SEMA6D: variants seen among roughly 807,000 people sequenced by gnomAD.
SEMA6D encodes semaphorin-6D.
In SEMA6D, 35 loss-of-function variants were observed where a neutral mutation model predicts 106.6. That is an observed-to-expected ratio of 0.33 (90% CI 0.25 to 0.44). SEMA6D has a LOEUF of 0.44. SEMA6D is among the 20% of genes least tolerant of loss of function. The pLI is 1.00. For missense variants in SEMA6D, 1,185 were observed against 1,345.9 expected (o/e 0.88, Z 1.87); for synonymous variants, 499 against 487.7 (o/e 1.02, Z -0.31).
chr15:47,491,153 AC>A (rs2043462220), intron 3 of SEMA6D, among the ~76,000 whole-genome samples: 1 of 152,202 alleles, frequency 6.6e-6, no homozygotes, highest in Non-Finnish European at 1.5e-5. Context: ...AGACATCTAT[AC>A]TTTTATTCTT....
intron 1 of SEMA6D, among the ~76,000 whole-genome samples, chr15:47,314,507 A>G (rs1595709932): frequency 1.4e-5 from 2 of 140,930 alleles, no homozygotes; most frequent in African/African-American, 5.1e-5. Flanking sequence ...CTGAGGCAGG[A>G]GAATGGCGTG....
intron 3 of SEMA6D, among the ~76,000 whole-genome samples, chr15:47,478,339 C>T (rs772250859): frequency 8.5e-5 from 13 of 152,128 alleles, no homozygotes; most frequent in Non-Finnish European, 1.3e-4. Context: ...AACACACTTG[C>T]ATTTATTAGT....
intron 1 of SEMA6D, chr15:47,730,033 A>C (rs113433328): frequency 1.7e-6 from 1 of 593,106 alleles, no homozygotes; most frequent in Non-Finnish European, 2.9e-6. Context: ...AGATCCCTTA[A>C]TGCTATGTTT....
chr15:47,577,870 A>G (rs2076183458), intron 3 of SEMA6D, among the ~76,000 whole-genome samples: 1 of 146,068 alleles, frequency 6.8e-6, no homozygotes, highest in Non-Finnish European at 1.5e-5. Flanking sequence ...AGATATGTGT[A>G]AAAAAATGTC....
chr15:47,436,919 G>A (rs2041731118), intron 2 of SEMA6D, among the ~76,000 whole-genome samples: 2 of 144,794 alleles, frequency 1.4e-5, no homozygotes, highest in South Asian at 2.2e-4. Context: ...GGGTGACAAA[G>A]CAAGATTCTG....
chr15:47,431,568 G>A (rs960895073), intron 2 of SEMA6D, among the ~76,000 whole-genome samples: 1 of 152,108 alleles, frequency 6.6e-6, no homozygotes, highest in African/African-American at 2.4e-5. Context: ...CATAGATGGA[G>A]TTGTGGGCTG....
intron 1 of SEMA6D, among the ~76,000 whole-genome samples, chr15:47,199,776 CTAGAG>C (rs1201079302): frequency 6.6e-6 from 1 of 151,892 alleles, no homozygotes; most frequent in African/African-American, 2.4e-5. Flanking sequence ...AGGATTTATT[CTAGAG>C]TATTTTGTGT....
At chr15:47,295,476 T>C (rs2035767823) in intron 1 of SEMA6D, among the ~76,000 whole-genome samples, 1 of 152,186 alleles carries the variant, frequency 6.6e-6, no homozygotes, top group African/African-American at 2.4e-5. Flanking sequence ...TGTGAGTTTA[T>C]AGGACCAAAC....
At chr15:47,432,028 G>A (rs532259359) in intron 2 of SEMA6D, among the ~76,000 whole-genome samples, 2 of 152,126 alleles carry the variant, frequency 1.3e-5, no homozygotes, top group South Asian at 4.1e-4. Context: ...ACATGGCTGG[G>A]CTGGGGTGAT....
chr15:47,319,982 A>G lies in SEMA6D; in HGVS notation c.-238-92411A>G, dbSNP rs564239007. Among the ~76,000 whole-genome samples, 11 of 151,494 alleles carry G rather than the reference A, an allele frequency of 7.3e-5. No homozygotes were observed. The East Asian group carries it at 2.0e-3, about 27-fold the overall frequency. ...TCCACCTGTGAGTCTCTAAGTCACA[A>G]CTCCCTGTATTCACCTATTTGTGTC... On this transcript the variant is annotated intron_variant, in intron 1 of 19. Coordinates refer to the SEMA6D transcript ENST00000558014.
chr15:47,580,616 C>T (rs550873130), intron 3 of SEMA6D, among the ~76,000 whole-genome samples: 2 of 151,196 alleles, frequency 1.3e-5, no homozygotes, highest in Non-Finnish European at 2.9e-5. Context: ...AGAAGTATGT[C>T]GAAAAAAAAA....
chr15:47,435,502 G>A (rs146890311), intron 2 of SEMA6D, among the ~76,000 whole-genome samples: 1 of 152,040 alleles, frequency 6.6e-6, no homozygotes, highest in Non-Finnish European at 1.5e-5. Flanking sequence ...ATGACATGTG[G>A]CTCCCTACCC....
intron 4 of SEMA6D, among the ~76,000 whole-genome samples, chr15:47,664,529 G>A (rs374582861): frequency 6.6e-6 from 1 of 152,190 alleles, no homozygotes; most frequent in African/African-American, 2.4e-5. Context: ...GCATGCAAAT[G>A]TCACTATAAT....
intron 1 of SEMA6D, chr15:47,359,620 T>A (rs1204434034): frequency 6.6e-6 from 1 of 152,114 alleles, no homozygotes; most frequent in Non-Finnish European, 1.5e-5. Flanking sequence ...AAAATTCAGA[T>A]ACCAACTAAA....
At chr15:47,456,756 A>C (rs1345689469) in intron 2 of SEMA6D, among the ~76,000 whole-genome samples, 1 of 152,064 alleles carries the variant, frequency 6.6e-6, no homozygotes, top group African/African-American at 2.4e-5. Flanking sequence ...ACTGCTCAAG[A>C]GTTTCCAGGA....
chr15:47,214,850 G>A (rs997388093), intron 1 of SEMA6D, among the ~76,000 whole-genome samples: 2 of 152,076 alleles, frequency 1.3e-5, no homozygotes, highest in Non-Finnish European at 2.9e-5. Context: ...TCTAGAAAAT[G>A]GCAGATGGGC....
intron 3 of SEMA6D, among the ~76,000 whole-genome samples, chr15:47,476,384 T>G (rs2043000809): frequency 6.6e-6 from 1 of 152,168 alleles, no homozygotes; most frequent in Non-Finnish European, 1.5e-5. Context: ...ACCTAATTAT[T>G]GTACTCATTT....
chr15:47,234,146 C>T (rs940593830), intron 1 of SEMA6D, among the ~76,000 whole-genome samples: 2 of 151,810 alleles, frequency 1.3e-5, no homozygotes, highest in African/African-American at 4.8e-5. Context: ...AAATGTCTGA[C>T]ATATTTCTGG....
chr15:47,650,066 T>G (rs1235626752), intron 4 of SEMA6D, among the ~76,000 whole-genome samples: 1 of 152,218 alleles, frequency 6.6e-6, no homozygotes, highest in African/African-American at 2.4e-5. Context: ...ACTGAGCGCC[T>G]GGATGTGCCA....
Sources: gnomAD v4.1 joint callset for allele counts (sites outside exome capture counted in the v4.1 genomes callset) on GRCh38, gnomAD v4.1.1 for gene constraint, MANE v1.5 for transcripts, NCBI Gene and HGNC (gene_info 2026-07-23, HGNC 2026-07-21) for gene names.